STK32B: variants seen among roughly 807,000 people sequenced by gnomAD.
The protein encoded by STK32B is serine/threonine-protein kinase 32B.
Under a neutral mutation model 52.6 loss-of-function variants are expected in STK32B, and 43 were observed. That is an observed-to-expected ratio of 0.82 (90% confidence interval 0.64 to 1.05). The LOEUF is 1.05. STK32B is among the 50% of genes least tolerant of loss of function. The pLI is 0.00. For synonymous variants in STK32B, 238 were observed against 204.3 expected (o/e 1.17, Z -1.41); for missense variants, 621 against 534.6 (o/e 1.16, Z -1.59).
At chr4:5,289,042 T>C (rs1003574987) in intron 3 of STK32B, among the ~76,000 whole-genome samples, 1 of 152,164 alleles carries the variant, frequency 6.6e-6, no homozygotes, top group Non-Finnish European at 1.5e-5. Context: ...CTGAGAAAGG[T>C]TTCATTGGGC....
chr4:5,239,818 A>G (rs1724888406), intron 3 of STK32B, among the ~76,000 whole-genome samples: 1 of 151,990 alleles, frequency 6.6e-6, no homozygotes, highest in Non-Finnish European at 1.5e-5. Context: ...CTGGTCTCCA[A>G]CTTCATCTGC....
At chr4:5,261,447 G>A (rs971080326) in intron 3 of STK32B, among the ~76,000 whole-genome samples, 13 of 152,172 alleles carry the variant, frequency 8.5e-5, no homozygotes, top group African/African-American at 3.1e-4. Context: ...TGGGGATATA[G>A]AGGATTTGTG....
intron 3 of STK32B, among the ~76,000 whole-genome samples, chr4:5,169,674 T>C (rs2108738334): frequency 6.6e-6 from 1 of 152,190 alleles, no homozygotes; most frequent in East Asian, 1.9e-4. Flanking sequence ...CGTGTCTCTG[T>C]GCAGTGATCT....
chr4:5,280,815 C>G (rs35806396), intron 3 of STK32B, among the ~76,000 whole-genome samples: 1,570 of 152,214 alleles, frequency 0.01, 18 homozygotes, highest in Middle Eastern at 0.034. Flanking sequence ...AGGAGAATCA[C>G]TTGAGCCCAG....
intron 1 of STK32B, among the ~76,000 whole-genome samples, chr4:5,054,519 G>T (rs1741923324): frequency 6.9e-6 from 1 of 144,640 alleles, no homozygotes; most frequent in Admixed American, 7.1e-5. Context: ...CATGTGGGGG[G>T]ATTGAGGGGG....
chr4:5,119,038 A>G (rs1714886546), intron 1 of STK32B, among the ~76,000 whole-genome samples: 1 of 152,162 alleles, frequency 6.6e-6, no homozygotes, highest in Non-Finnish European at 1.5e-5. Context: ...TTTGGATGCC[A>G]TAGATATACT....
At chr4:5,079,726 A>G (rs1182469651) in intron 1 of STK32B, among the ~76,000 whole-genome samples, 1 of 152,116 alleles carries the variant, frequency 6.6e-6, no homozygotes, top group Non-Finnish European at 1.5e-5. Flanking sequence ...ATCCCTCTGC[A>G]TGACCCCTAC....
intron 11 of STK32B, among the ~76,000 whole-genome samples, chr4:5,496,690 C>G (rs1720289338): frequency 6.6e-6 from 1 of 152,104 alleles, no homozygotes; most frequent in African/African-American, 2.4e-5. Flanking sequence ...TTTCGGCCAT[C>G]TTGGCCCCAG....
At chr4:5,093,564 A>G (rs1247322122) in intron 1 of STK32B, among the ~76,000 whole-genome samples, 3 of 149,002 alleles carry the variant, frequency 2.0e-5, no homozygotes, top group African/African-American at 4.9e-5. Flanking sequence ...GCCTGTTGTG[A>G]GGTGGGGGAA....
intron 5 of STK32B, among the ~76,000 whole-genome samples, chr4:5,404,296 C>T (rs1737506235): frequency 6.6e-6 from 1 of 152,110 alleles, no homozygotes; most frequent in Non-Finnish European, 1.5e-5. Flanking sequence ...CCAGCTCTGG[C>T]AGCTTCTTGG....
chr4:5,076,870 T>C (rs1712109030), intron 1 of STK32B, among the ~76,000 whole-genome samples: 1 of 152,164 alleles, frequency 6.6e-6, no homozygotes, highest in African/African-American at 2.4e-5. Context: ...AGAGAAATAT[T>C]TATTCCATCA....
At chr4:5,494,982 G>A (rs1427631642) in intron 11 of STK32B, among the ~76,000 whole-genome samples, 2 of 152,080 alleles carry the variant, frequency 1.3e-5, no homozygotes, top group African/African-American at 4.8e-5. Flanking sequence ...TGGGTAACCC[G>A]ACCTTTCTCT....
At chr4:5,035,781 ATTTTT>A in the STK32B span, among the ~76,000 whole-genome samples, 102 of 143,946 alleles carry the variant, frequency 7.1e-4, no homozygotes, top group Middle Eastern at 7.2e-3. Context: ...GGATCTGTAA[ATTTTT>A]TTTTTTTTTT....
chr4:5,491,944 C>G (rs368513839), intron 11 of STK32B, among the ~76,000 whole-genome samples: 49 of 152,078 alleles, frequency 3.2e-4, no homozygotes, highest in African/African-American at 6.8e-4. Context: ...GTATATCTCT[C>G]TTTTGGTACC....
intron 2 of STK32B, among the ~76,000 whole-genome samples, chr4:5,146,326 G>A (rs1203855242): frequency 6.6e-6 from 1 of 152,102 alleles, no homozygotes; most frequent in East Asian, 1.9e-4. Flanking sequence ...TTCAGTCTGT[G>A]ACCGAAAGCC....
At chr4:5,327,902 C>A (rs1731983537) in intron 3 of STK32B, among the ~76,000 whole-genome samples, 2 of 152,320 alleles carry the variant, frequency 1.3e-5, no homozygotes, top group African/African-American at 2.4e-5. Flanking sequence ...CTTTGAAAAT[C>A]TCCTGTTTGG....
At chr4:5,303,088 G>T (rs1338970975) in intron 3 of STK32B, among the ~76,000 whole-genome samples, 1 of 151,892 alleles carries the variant, frequency 6.6e-6, no homozygotes, top group African/African-American at 2.4e-5. Context: ...TGATTGATGG[G>T]CATTTGGGCT....
At chr4:5,038,047 T>C in the STK32B span, among the ~76,000 whole-genome samples, 1 of 152,302 alleles carries the variant, frequency 6.6e-6, no homozygotes, top group East Asian at 1.9e-4. Context: ...CAGCCAACAC[T>C]GTGTTCTCAA....
intron 3 of STK32B, among the ~76,000 whole-genome samples, chr4:5,249,433 T>TCCTA (rs1200722426): frequency 1.1e-4 from 15 of 138,488 alleles, no homozygotes; most frequent in South Asian, 2.5e-4. Flanking sequence ...CTTCCTTCCT[T>TCCTA]CCTACCTACC....
Sources: allele counts gnomAD v4.1 joint callset (sites outside exome capture counted in the v4.1 genomes callset), GRCh38; gene constraint gnomAD v4.1.1; transcripts MANE v1.5; gene names NCBI Gene and HGNC (gene_info 2026-07-23, HGNC 2026-07-21).